PCNX2: variants seen among roughly 807,000 people sequenced by gnomAD.
PCNX2 encodes the protein pecanex-like protein 2.
In PCNX2, 168 loss-of-function variants were observed where a neutral mutation model predicts 223.8. The observed-to-expected ratio is 0.75, with a 90% CI of 0.66 to 0.85. The LOEUF is 0.85. Among genes scored for constraint, PCNX2 ranks in the 40% least tolerant of loss-of-function variants. The pLI, the probability that PCNX2 is intolerant of heterozygous loss-of-function variation, is 0.00. For synonymous variants in PCNX2, 1,006 were observed against 1,052.6 expected (o/e 0.96, Z 0.86); for missense variants, 2,507 against 2,675.5 (o/e 0.94, Z 1.39).
At chr1:233,290,739 CA>C in intron 1 of PCNX2, 1 of 983,116 alleles carries the variant, frequency 1.0e-6, no homozygotes, top group Middle Eastern at 5.2e-4. Context: ...TAGGTCTTAT[CA>C]AAGAAGGTCT....
At position 233,057,232 on chromosome 1, in the gene PCNX2, C is replaced by A. The variant is rs1488614552; in HGVS notation, c.4135G>T (p.Gly1379Trp). Reference protein sequence around the residue: ...RLAVQIERDPGNDDNNLNSIF... With the variant: ...RLAVQIERDPWNDDNNLNSIF... ...AAAAAGAGAGAAGAGATCTTCTTAC[C>A]TGGATCTCTTTCAATTTGGACTGCC... is the stretch of plus-strand genomic sequence containing the variant. The change falls in exon 24 of 34, where the codon GGG (glycine) becomes TGG (tryptophan). Residue 1379 changes from glycine (G) to tryptophan (W), a missense_variant and splice_region_variant. Physicochemically the swap from Gly to Trp is radical, Grantham distance 184 (BLOSUM62 -2). Coordinates refer to ENST00000258229, the MANE Select transcript of PCNX2 (RefSeq NM_014801.4). The A allele has an allele frequency of 1.3e-5, 21 of 1,596,782 alleles. No homozygotes were observed. Among genetic ancestry groups the A allele is most frequent in the Non-Finnish European group, 1.7e-5 (20 of 1,166,380 alleles).
rs1465839758 is a variant in PCNX2, at chr1:233,225,116, A to T, written c.2504+2110T>A. 6.0e-5 allele frequency among the ~76,000 whole-genome samples: 9 copies of T among 149,580 alleles called. No individual in the cohort carries two copies. In the East Asian group the frequency reaches 1.8e-3, roughly 29 times the overall value. On this transcript the variant is annotated intron_variant, in intron 10 of 33. Transcript: ENST00000258229. ...ATGTATCCCAGAACTAAAGTAAAAA[A>T]AAAAAAAAAAAAAAAAAAAAAATGT...
chr1:233,012,311 A>G (rs1277241608), intron 28 of PCNX2, among the ~76,000 whole-genome samples: 2 of 152,116 alleles, frequency 1.3e-5, no homozygotes, highest in Non-Finnish European at 2.9e-5. Context: ...GGGCCCTGCC[A>G]GGCTCCAACC....
At position 232,986,428 on chromosome 1, in the gene PCNX2, C is replaced by T; in HGVS notation, c.5904G>A (p.Gln1968=). Residue 1968 remains glutamine (Q), a synonymous_variant, in exon 33 of 34, where the codon CAG becomes CAA. Transcript: ENST00000258229. Reference sequence around the variant, plus strand: ...CCAGCTCGTGCACTGAGGTGGACGTCTGGAGGAATGTTTGGCGGCTCTCTA... The same window carrying T: ...CCAGCTCGTGCACTGAGGTGGACGTTTGGAGGAATGTTTGGCGGCTCTCTA... ...PILESRQTFL[Q]TSTSVHELAQ... is the part of the protein sequence containing the mutation. The T allele has an allele frequency of 6.2e-7, 1 of 1,607,318 alleles. No homozygotes were observed. The highest frequency in any genetic ancestry group is 8.5e-7 in the Non-Finnish European group (1 of 1,176,972).
At chr1:233,291,770 AC>A in intron 1 of PCNX2, 1 of 982,522 alleles carries the variant, frequency 1.0e-6, no homozygotes, top group Non-Finnish European at 1.2e-6. Context: ...AAGAATAAAG[AC>A]AAAACACATG....
intron 17 of PCNX2, among the ~76,000 whole-genome samples, chr1:233,163,605 T>C (rs1482463512): frequency 1.3e-5 from 2 of 151,354 alleles, no homozygotes; most frequent in African/African-American, 4.9e-5. Context: ...TATGGGACTA[T>C]ATATATCCCC....
intron 26 of PCNX2, among the ~76,000 whole-genome samples, chr1:233,019,993 T>C (rs921583258): frequency 6.6e-6 from 1 of 152,098 alleles, no homozygotes; most frequent in African/African-American, 2.4e-5. Flanking sequence ...GAACAGCTGG[T>C]CTAGTTTTTC....
chr1:233,138,785 A>G (rs995022187), intron 20 of PCNX2, among the ~76,000 whole-genome samples: 18 of 152,236 alleles, frequency 1.2e-4, no homozygotes, highest in Admixed American at 9.8e-4. Context: ...GCAGAGTTCA[A>G]TAAGGACAGG....
intron 28 of PCNX2, among the ~76,000 whole-genome samples, chr1:233,010,248 G>A (rs1670420661): frequency 6.6e-6 from 1 of 152,228 alleles, no homozygotes; most frequent in African/African-American, 2.4e-5. Flanking sequence ...TCAACACGCT[G>A]TGGGTGGGAG....
chr1:233,138,207 A>G (rs1240324483), intron 20 of PCNX2, among the ~76,000 whole-genome samples: 1 of 152,226 alleles, frequency 6.6e-6, no homozygotes, highest in Non-Finnish European at 1.5e-5. Context: ...CTATATAGAT[A>G]ACGTGCACCT....
chr1:233,227,342 T>C lies in PCNX2; in HGVS notation c.2388A>G (p.Ser796=), dbSNP rs747667586. ...RHVSQDLEAS[S]CSSTQGKFNR... is the part of the protein sequence containing the mutation. ...TAAATTTTCCTTGTGTTGAAGAACA[T>C]GACGAGGCTTCCAGATCCTGACTCA... The change falls in exon 10 of 34, where the codon TCA becomes TCG. Residue 796 remains serine (S), a synonymous_variant. Coordinates refer to ENST00000258229, the MANE Select transcript of PCNX2 (RefSeq NM_014801.4). 10 of 1,613,508 alleles carry C rather than the reference T, an allele frequency of 6.2e-6. No homozygotes were observed. The South Asian group carries it at 6.6e-5, about 11-fold the overall frequency.
intron 19 of PCNX2, among the ~76,000 whole-genome samples, chr1:233,152,149 A>T (rs2475162): frequency 4.6e-5 from 7 of 151,960 alleles, no homozygotes; most frequent in Non-Finnish European, 8.8e-5. Flanking sequence ...TGAGGGGAAG[A>T]GAGGGTGCAG....
At chr1:233,022,285 A>G (rs1216359539) in intron 26 of PCNX2, among the ~76,000 whole-genome samples, 1 of 152,226 alleles carries the variant, frequency 6.6e-6, no homozygotes, top group Non-Finnish European at 1.5e-5. Context: ...AGTACAAAAA[A>G]ACAAATTGGG....
chr1:233,079,607 T>C (rs983766517), intron 23 of PCNX2, among the ~76,000 whole-genome samples: 25 of 152,034 alleles, frequency 1.6e-4, no homozygotes, highest in African/African-American at 6.0e-4. Flanking sequence ...ATTAGGAGTC[T>C]TTTGATTTCA....
At chr1:233,318,117 T>C in the PCNX2 span, among the ~76,000 whole-genome samples, 1 of 152,328 alleles carries the variant, frequency 6.6e-6, no homozygotes. Flanking sequence ...AGATGCTTTT[T>C]GTCTCAAGAA....
intron 10 of PCNX2, 94 bp downstream of exon 10, chr1:233,227,132 G>T: frequency 7.4e-7 from 1 of 1,354,194 alleles, no homozygotes; most frequent in Non-Finnish European, 9.7e-7. Flanking sequence ...TTGAAAATGT[G>T]CAAGTGACAA....
At chr1:233,249,526 A>G (rs1209695279) in intron 8 of PCNX2, among the ~76,000 whole-genome samples, 1 of 152,206 alleles carries the variant, frequency 6.6e-6, no homozygotes, top group Non-Finnish European at 1.5e-5. Context: ...TTGGGTGTCC[A>G]TTTGCATGGG....
At chr1:232,989,325 G>A (rs951347223) in intron 32 of PCNX2, among the ~76,000 whole-genome samples, 3 of 152,106 alleles carry the variant, frequency 2.0e-5, no homozygotes, top group Admixed American at 2.0e-4. Flanking sequence ...GTGGTGGCGG[G>A]CACCTGTAGT....
At chr1:233,170,928 G>A (rs1679112026) in intron 17 of PCNX2, among the ~76,000 whole-genome samples, 1 of 152,194 alleles carries the variant, frequency 6.6e-6, no homozygotes, top group Non-Finnish European at 1.5e-5. Context: ...GGGCTGAGCA[G>A]CCCTCATCCG....
Sources: allele counts gnomAD v4.1 joint callset (sites outside exome capture counted in the v4.1 genomes callset), GRCh38; gene constraint gnomAD v4.1.1; transcripts MANE v1.5; gene names NCBI Gene and HGNC (gene_info 2026-07-23, HGNC 2026-07-21).